PRH1: variants seen among roughly 807,000 people sequenced by gnomAD.
PRH1 encodes the protein proline rich protein HaeIII subfamily 1, also known as salivary acidic proline-rich phosphoprotein 1/2.
PRH1 carries 7 observed loss-of-function variants against 7.9 expected under a neutral mutation model. The ratio of observed to expected loss-of-function variants is 0.89; its 90% CI spans 0.50 to 1.67. The LOEUF (loss-of-function observed/expected upper bound fraction) is 1.67, where lower values mean the gene tolerates loss of function less well. Ranked by LOEUF, PRH1 falls within the 40% of genes most tolerant of loss-of-function variation. PRH1 has a pLI of 0.00. For missense variants in PRH1, 109 were observed against 223.6 expected, an observed-to-expected ratio of 0.49 and a Z score of 3.27; for synonymous variants, 45 against 80.8, an observed-to-expected ratio of 0.56 and a Z score of 2.38.
chr12:11,048,160 G>A (rs145909960), upstream of PRH1, among the ~76,000 whole-genome samples: 31,254 of 122,306 alleles, frequency 0.26, 3,841 homozygotes, highest in Non-Finnish European at 0.31. Flanking sequence ...GTGTGTGTGT[G>A]TATAGATAGA....
intron 1 of PRH1, among the ~76,000 whole-genome samples, chr12:11,109,307 C>T (rs1032179527): frequency 1.3e-5 from 2 of 152,202 alleles, no homozygotes; most frequent in Non-Finnish European, 2.9e-5. Flanking sequence ...CAGCACAGCA[C>T]TTGAGCTCTG....
intron 1 of PRH1, among the ~76,000 whole-genome samples, chr12:11,163,641 C>A (rs1565719916): frequency 6.6e-6 from 1 of 152,132 alleles, no homozygotes; most frequent in Non-Finnish European, 1.5e-5. Flanking sequence ...AATATAAAAT[C>A]TGAATTGGAA....
intron 1 of PRH1, among the ~76,000 whole-genome samples, chr12:10,996,251 C>A (rs1333867884): frequency 6.6e-6 from 1 of 151,864 alleles, no homozygotes; most frequent in African/African-American, 2.4e-5. Context: ...ATCACTTGAA[C>A]CCCAGAGGTG....
intron 1 of PRH1, among the ~76,000 whole-genome samples, chr12:11,025,169 C>CA (rs1267189985): frequency 6.6e-6 from 1 of 152,130 alleles, no homozygotes; most frequent in Non-Finnish European, 1.5e-5. Context: ...AGGTGCCCGC[C>CA]ACCACGCCAG....
At chr12:10,964,637 G>A (rs1938414506) in intron 2 of PRH1, 1 of 515,376 alleles carries the variant, frequency 1.9e-6, no homozygotes, top group Non-Finnish European at 3.6e-6. Flanking sequence ...AAAGTAAACA[G>A]CAAATAACAA....
intron 1 of PRH1, chr12:11,133,215 C>A: frequency 2.6e-6 from 4 of 1,523,086 alleles, no homozygotes; most frequent in South Asian, 1.4e-5. Flanking sequence ...GGAAATTATT[C>A]ATATACATAT....
intron 1 of PRH1, among the ~76,000 whole-genome samples, chr12:11,023,578 C>A (rs76711956): frequency 8.3e-6 from 1 of 120,850 alleles, no homozygotes; most frequent in Non-Finnish European, 1.9e-5. Context: ...AATTCACTCA[C>A]GTAATTTGCT....
At chr12:11,117,586 CA>C, downstream of PRH1, among the ~76,000 whole-genome samples, 1 of 152,166 alleles carries the variant, frequency 6.6e-6, no homozygotes, top group Non-Finnish European at 1.5e-5. Context: ...TATAGAGCCA[CA>C]ACTGACCCAG....
chr12:11,034,840 T>A (rs1565577147), intron 1 of PRH1: 1 of 152,864 alleles, frequency 6.5e-6, no homozygotes, highest in African/African-American at 2.4e-5. Context: ...TAAGCCATGA[T>A]CCTACCACTG....
chr12:11,138,445 A>G (rs1946617744), intron 1 of PRH1, among the ~76,000 whole-genome samples: 1 of 152,218 alleles, frequency 6.6e-6, no homozygotes, highest in Non-Finnish European at 1.5e-5. Flanking sequence ...TTAACCCAAA[A>G]TGCAGGTGTA....
chr12:11,021,725 T>C (rs761304893), intron 1 of PRH1: 5 of 1,614,006 alleles, frequency 3.1e-6, no homozygotes, highest in African/African-American at 1.3e-5. Context: ...AGCTTCCTAC[T>C]TCCCATAATC....
At position 10,890,740 on chromosome 12, in the gene PRH1, G is replaced by A. The variant is rs142279978; in HGVS notation, c.-58-6465C>T. On this transcript the variant is annotated intron_variant, in intron 2 of 3. Coordinates refer to the PRH1 transcript ENST00000539853. The stretch of plus-strand genomic sequence containing the variant: ...AAACACTAAAAAATTATCCAGGCAT[G>A]ATGGTGTGTGCCTGTTGTCCTAGTC... 9.3e-5 allele frequency among the ~76,000 whole-genome samples: 14 copies of A among 149,762 alleles called. No individual in the cohort carries two copies. In the East Asian group the frequency reaches 2.8e-3, roughly 30 times the overall value.
chr12:10,906,114 G>A (rs1314317171), intron 2 of PRH1, among the ~76,000 whole-genome samples: 1 of 152,090 alleles, frequency 6.6e-6, no homozygotes, highest in Non-Finnish European at 1.5e-5. Flanking sequence ...TTTCTAAAAA[G>A]AAAATAAAAG....
chr12:10,976,387 C>A (rs1279115935), intron 1 of PRH1, among the ~76,000 whole-genome samples: 1 of 152,112 alleles, frequency 6.6e-6, no homozygotes, highest in South Asian at 2.1e-4. Flanking sequence ...AAAAAAGATA[C>A]AACATACCAG....
chr12:10,952,038 T>C (rs1053267552), intron 2 of PRH1, among the ~76,000 whole-genome samples: 1 of 152,216 alleles, frequency 6.6e-6, no homozygotes, highest in African/African-American at 2.4e-5. Flanking sequence ...ATGCAGATGA[T>C]AATAATACCC....
chr12:11,122,209 A>G (rs531115251), intron 1 of PRH1, among the ~76,000 whole-genome samples: 40 of 152,390 alleles, frequency 2.6e-4, no homozygotes, highest in Admixed American at 1.7e-3. Context: ...TCCATTTACC[A>G]TAAGGACATC....
chr12:10,937,808 C>G (rs1009402811), intron 2 of PRH1: 1 of 152,740 alleles, frequency 6.5e-6, no homozygotes, highest in Non-Finnish European at 1.5e-5. Context: ...TTTGCATACA[C>G]GCTAATCAGG....
chr12:11,000,277 T>C (rs1940524553), intron 1 of PRH1, among the ~76,000 whole-genome samples: 1 of 152,150 alleles, frequency 6.6e-6, no homozygotes, highest in African/African-American at 2.4e-5. Flanking sequence ...ATTTATCATT[T>C]CTGTTAATTT....
At chr12:11,118,882 C>T (rs748258771), downstream of PRH1, among the ~76,000 whole-genome samples, 7 of 151,142 alleles carry the variant, frequency 4.6e-5, no homozygotes, top group African/African-American at 1.7e-4. Context: ...GTAGTCCCAG[C>T]GACTCAGGAG....
Sources: gnomAD v4.1 joint callset for allele counts (sites outside exome capture counted in the v4.1 genomes callset) on GRCh38, gnomAD v4.1.1 for gene constraint, MANE v1.5 for transcripts, NCBI Gene and HGNC (gene_info 2026-07-23, HGNC 2026-07-21) for gene names.